The following PRUNE2 variants were observed in gnomAD, a reference collection of about 807,000 sequenced individuals.
PRUNE2 encodes protein prune homolog 2.
Under a neutral mutation model 252.0 loss-of-function variants are expected in PRUNE2, and 164 were observed. The ratio of observed to expected loss-of-function variants is 0.65; its 90% CI spans 0.57 to 0.74. PRUNE2 has a LOEUF of 0.74. PRUNE2 is among the 30% of genes least tolerant of loss of function. PRUNE2 has a pLI of 0.00. For missense variants in PRUNE2, 3,495 were observed against 3,711.0 expected (o/e 0.94, Z 1.51); for synonymous variants, 1,292 against 1,350.2 (o/e 0.96, Z 0.94).
intron 4 of PRUNE2, among the ~76,000 whole-genome samples, chr9:76,839,119 G>T (rs918860955): frequency 2.0e-5 from 3 of 152,132 alleles, no homozygotes; most frequent in African/African-American, 7.2e-5. Flanking sequence ...CATTAAGAAT[G>T]TTAGAAGGAT....
At chr9:76,868,785 T>C (rs1377473126) in intron 1 of PRUNE2, among the ~76,000 whole-genome samples, 3 of 130,664 alleles carry the variant, frequency 2.3e-5, no homozygotes, top group African/African-American at 8.7e-5. Flanking sequence ...TTCATTTTAT[T>C]GAAAAAAATT....
At chr9:76,884,934 T>C (rs1387175412) in intron 1 of PRUNE2, among the ~76,000 whole-genome samples, 4 of 152,372 alleles carry the variant, frequency 2.6e-5, no homozygotes, top group African/African-American at 9.6e-5. Context: ...TTTCTGCTTC[T>C]GGAACATGGC....
chr9:76,684,969 C>G (rs2043918346), intron 9 of PRUNE2, among the ~76,000 whole-genome samples: 1 of 152,288 alleles, frequency 6.6e-6, no homozygotes, highest in Non-Finnish European at 1.5e-5. Flanking sequence ...TCAGGCTGGT[C>G]TTGAACTCCT....
At chr9:76,645,647 A>G (rs908234890) in intron 11 of PRUNE2, among the ~76,000 whole-genome samples, 2 of 152,204 alleles carry the variant, frequency 1.3e-5, no homozygotes, top group Non-Finnish European at 2.9e-5. Context: ...TGCATTTAAA[A>G]AAAAAAAGTA....
At chr9:76,618,921 C>T (rs1411435515) in intron 18 of PRUNE2, among the ~76,000 whole-genome samples, 1 of 152,180 alleles carries the variant, frequency 6.6e-6, no homozygotes, top group Non-Finnish European at 1.5e-5. Flanking sequence ...CATACAGGCT[C>T]GAATTCCTCC....
chr9:76,866,717 G>A (rs1461743537), intron 1 of PRUNE2, among the ~76,000 whole-genome samples: 2 of 146,368 alleles, frequency 1.4e-5, no homozygotes, highest in Non-Finnish European at 2.9e-5. Flanking sequence ...AAAGGAAGGA[G>A]GAAGGGAGGA....
intron 9 of PRUNE2, among the ~76,000 whole-genome samples, chr9:76,694,403 G>A (rs1242184165): frequency 6.6e-6 from 1 of 152,194 alleles, no homozygotes. Context: ...GGCTGGTTTT[G>A]AACTCCTGGC....
At chr9:76,797,150 T>G (rs926803217) in intron 6 of PRUNE2, among the ~76,000 whole-genome samples, 2 of 152,208 alleles carry the variant, frequency 1.3e-5, no homozygotes, top group Non-Finnish European at 2.9e-5. Flanking sequence ...TCTAACTTTA[T>G]ATATGTATTA....
intron 1 of PRUNE2, among the ~76,000 whole-genome samples, chr9:76,856,223 C>G (rs2060242603): frequency 6.6e-6 from 1 of 152,204 alleles, no homozygotes; most frequent in African/African-American, 2.4e-5. Context: ...CCCATCTCCT[C>G]TGCCCTGTAT....
At chr9:76,731,154 A>G (rs890116725) in intron 6 of PRUNE2, among the ~76,000 whole-genome samples, 1 of 152,048 alleles carries the variant, frequency 6.6e-6, no homozygotes, top group African/African-American at 2.4e-5. Context: ...TCTTTATGCT[A>G]TGAAAAATGA....
intron 6 of PRUNE2, chr9:76,739,237 T>A (rs1026777175): frequency 3.3e-5 from 5 of 152,140 alleles, no homozygotes; most frequent in African/African-American, 9.7e-5. Flanking sequence ...TAAAAATAAA[T>A]GCTAGAGTGC....
chr9:76,881,390 CAT>C (rs750208696), intron 1 of PRUNE2, among the ~76,000 whole-genome samples: 8 of 152,086 alleles, frequency 5.3e-5, no homozygotes, highest in Admixed American at 4.6e-4. Flanking sequence ...TAAGTACACA[CAT>C]ATATATGTTA....
intron 9 of PRUNE2, among the ~76,000 whole-genome samples, chr9:76,672,043 C>G (rs2041590835): frequency 6.7e-6 from 1 of 150,126 alleles, no homozygotes; most frequent in South Asian, 2.1e-4. Flanking sequence ...ATCAAATTCA[C>G]ACATAACAAT....
chr9:76,691,945 T>G lies in PRUNE2; in HGVS notation c.8276+11392A>C, dbSNP rs145921931. On this transcript the variant is annotated intron_variant, in intron 9 of 18. Transcript: ENST00000376718. ...AGGGGCTGGGCAGAATTCGGCATCC[T>G]CTCATCCCCCTCCCGTCTCCCCCGC... is the stretch of plus-strand genomic sequence containing the variant. 6,310 of 647,628 alleles carry G rather than the reference T, an allele frequency of 9.7e-3. 42 individuals carry two copies. The highest frequency in any genetic ancestry group is 0.012 in the Non-Finnish European group (4,068 of 350,966). 40.1% of individuals were successfully genotyped at this position (647,628 alleles called of 1,614,324 possible). A position where few individuals can be genotyped will look rare whatever the true frequency, so the allele number is the denominator to read the frequency against.
intron 10 of PRUNE2, among the ~76,000 whole-genome samples, chr9:76,653,916 C>A (rs553783043): frequency 6.6e-6 from 1 of 152,252 alleles, no homozygotes; most frequent in Non-Finnish European, 1.5e-5. Context: ...CTGGAGAAGT[C>A]ATTTTTTAAC....
At chr9:76,645,216 T>G (rs1844318293) in intron 11 of PRUNE2, 1 of 245,092 alleles carries the variant, frequency 4.1e-6, no homozygotes, top group South Asian at 8.6e-5. Flanking sequence ...TGGGTAGTGG[T>G]CCAAGGACCA....
intron 1 of PRUNE2, among the ~76,000 whole-genome samples, chr9:76,889,632 T>C (rs2062340930): frequency 6.6e-6 from 1 of 152,066 alleles, no homozygotes; most frequent in Non-Finnish European, 1.5e-5. Context: ...AAAGATTCTT[T>C]TTTCCTCCCA....
At position 76,751,106 on chromosome 9, in the gene PRUNE2, G is replaced by A. The variant is rs185026243; in HGVS notation, c.757-37385C>T. On this transcript the variant is annotated intron_variant, in intron 6 of 18. Coordinates refer to ENST00000376718, the MANE Select transcript of PRUNE2 (RefSeq NM_015225.3). ...TCTAGACCCGTAACATACGCATAACGCACAAGAAGTTGAACTTCCTTTTTG... is the reference window on the plus strand; with the variant it reads ...TCTAGACCCGTAACATACGCATAACACACAAGAAGTTGAACTTCCTTTTTG... Among the ~76,000 whole-genome samples the A allele has an allele frequency of 3.3e-5, 5 of 152,260 alleles. No individual in the cohort carries two copies. The East Asian group carries it at 7.7e-4, about 23-fold the overall frequency.
At chr9:76,794,583 C>A (rs1219673543) in intron 6 of PRUNE2, among the ~76,000 whole-genome samples, 1 of 147,538 alleles carries the variant, frequency 6.8e-6, no homozygotes, top group Non-Finnish European at 1.5e-5. Context: ...CCACTGCACT[C>A]CAGCCTGGCG....
Sources: allele counts gnomAD v4.1 joint callset (sites outside exome capture counted in the v4.1 genomes callset), GRCh38; gene constraint gnomAD v4.1.1; transcripts MANE v1.5; gene names NCBI Gene and HGNC (gene_info 2026-07-23, HGNC 2026-07-21).